ARHGEF10L: variants seen among roughly 807,000 people sequenced by gnomAD.
ARHGEF10L encodes Rho guanine nucleotide exchange factor 10 like, also known as rho guanine nucleotide exchange factor 10-like protein.
Under a neutral mutation model 141.2 loss-of-function variants are expected in ARHGEF10L, and 69 were observed. The observed-to-expected ratio is 0.49, with a 90% confidence interval of 0.40 to 0.60. The LOEUF is 0.60. ARHGEF10L is among the 20% of genes least tolerant of loss of function. The pLI, the probability that ARHGEF10L is intolerant of heterozygous loss-of-function variation, is 0.00. For missense variants in ARHGEF10L, 1,482 were observed against 1,734.3 expected (o/e 0.85, Z 2.58); for synonymous variants, 711 against 718.5 (o/e 0.99, Z 0.17).
chr1:17,611,294 T>C (rs2059536405), intron 7 of ARHGEF10L, among the ~76,000 whole-genome samples: 1 of 152,094 alleles, frequency 6.6e-6, no homozygotes, highest in African/African-American at 2.4e-5. Context: ...TTTTTGGGAG[T>C]CTGGGTAGCT....
chr1:17,546,809 A>G (rs139135926), intron 1 of ARHGEF10L, among the ~76,000 whole-genome samples: 1 of 152,304 alleles, frequency 6.6e-6, no homozygotes, highest in Non-Finnish European at 1.5e-5. Flanking sequence ...CGGGCTCCCT[A>G]GGCCTGGTGT....
At chr1:17,632,545 C>T in intron 16 of ARHGEF10L, 79 bp downstream of exon 16, 1 of 1,579,948 alleles carries the variant, frequency 6.3e-7, no homozygotes, top group Non-Finnish European at 8.7e-7. Flanking sequence ...TCTTGGCCGG[C>T]CGCACTACAG....
chr1:17,518,898 A>G, the ARHGEF10L span, among the ~76,000 whole-genome samples: 2 of 151,662 alleles, frequency 1.3e-5, no homozygotes, highest in East Asian at 3.9e-4. Context: ...TGCCAGGTGC[A>G]GTGGCTCACA....
intron 18 of ARHGEF10L, among the ~76,000 whole-genome samples, chr1:17,635,993 G>C (rs1263257592): frequency 6.6e-6 from 1 of 152,142 alleles, no homozygotes; most frequent in Non-Finnish European, 1.5e-5. Context: ...TCTGGGTGCT[G>C]GTCCGTGACA....
At chr1:17,580,737 G>T in intron 2 of ARHGEF10L, 105 bp downstream of exon 2, 1 of 1,392,760 alleles carries the variant, frequency 7.2e-7, no homozygotes, top group Non-Finnish European at 1.0e-6. Context: ...CGGGTGGGAA[G>T]TCTGCTCTGC....
In ARHGEF10L at chr1:17,623,211, G is replaced by T. The variant is rs1291419067; in HGVS notation, c.1200+36G>T. 2 of 1,601,896 alleles carry T rather than the reference G, an allele frequency of 1.2e-6. No individual in the cohort carries two copies. Among genetic ancestry groups the T allele is most frequent in the Non-Finnish European group, 1.7e-6 (2 of 1,173,688 alleles). ...CCAAACTTTTTCCCCAGCCCACCAAGGTAAAACCACAACCAGTCTGACCCC... is the reference window on the plus strand; with the variant it reads ...CCAAACTTTTTCCCCAGCCCACCAATGTAAAACCACAACCAGTCTGACCCC... On this transcript the variant is annotated intron_variant, in intron 12 of 28. Transcript: ENST00000361221. The surrounding 1 kb of genome is among the most constrained non-coding windows in gnomAD (Gnocchi z 4.7).
intron 1 of ARHGEF10L, among the ~76,000 whole-genome samples, chr1:17,566,550 C>T (rs1458620729): frequency 6.6e-6 from 1 of 152,210 alleles, no homozygotes; most frequent in African/African-American, 2.4e-5. Context: ...AGGCTGTGCA[C>T]CTTGCCCAGG....
rs1246173081 is a variant in ARHGEF10L, at chr1:17,656,098, G to A, written c.2701G>A (p.Gly901Ser). The change falls in exon 24 of 29, where the codon GGC becomes AGC. Residue 901 changes from glycine (G) to serine (S), a missense_variant. By Grantham distance (56) the Gly-to-Ser change is moderately conservative. Coordinates refer to ENST00000361221, the MANE Select transcript of ARHGEF10L (RefSeq NM_018125.4). This position sits in a 1 kb window ranked among gnomAD's most constrained non-coding sequence, Gnocchi z 4.9. Reference protein sequence around the residue: ...HPTICLGLQDGSILLYSSVDT... With the variant: ...HPTICLGLQDSSILLYSSVDT... ...AACCATCTGCCTCGGGCTCCAGGAT[G>A]GCAGGTGAGGGGCCCGGAAGGAGGG... The A allele has an allele frequency of 5.2e-6, 8 of 1,551,116 alleles. No homozygotes were observed. The highest frequency in any genetic ancestry group is 2.1e-4 in the Middle Eastern group (1 of 4,734).
intron 26 of ARHGEF10L, among the ~76,000 whole-genome samples, chr1:17,684,129 G>A (rs1430203629): frequency 6.6e-6 from 1 of 152,180 alleles, no homozygotes; most frequent in Non-Finnish European, 1.5e-5. Context: ...ACTGCTCGCC[G>A]ACAGCAGGTG....
chr1:17,662,512 G>A (rs1312642658), intron 25 of ARHGEF10L, among the ~76,000 whole-genome samples: 2 of 152,276 alleles, frequency 1.3e-5, no homozygotes, highest in Non-Finnish European at 1.5e-5. Context: ...CGGGCAGAGC[G>A]CTCTGTGTGC....
At chr1:17,602,369 C>T (rs2080769979) in intron 5 of ARHGEF10L, 151 bp downstream of exon 5, 2 of 806,450 alleles carry the variant, frequency 2.5e-6, no homozygotes, top group Non-Finnish European at 3.9e-6. Flanking sequence ...CCAACCACCG[C>T]CCCCAAGAGC....
intron 26 of ARHGEF10L, among the ~76,000 whole-genome samples, chr1:17,686,107 T>TTTC (rs1558033615): frequency 1.0e-5 from 1 of 100,302 alleles, no homozygotes; most frequent in South Asian, 2.6e-4. Flanking sequence ...TCTTTCTTTC[T>TTTC]TTTTTTTTTG....
At chr1:17,690,690 A>G (rs527721992) in intron 27 of ARHGEF10L, among the ~76,000 whole-genome samples, 7 of 152,104 alleles carry the variant, frequency 4.6e-5, no homozygotes, top group South Asian at 4.1e-4. Flanking sequence ...AACTTTCCCA[A>G]TCAGTAACCC....
intron 4 of ARHGEF10L, among the ~76,000 whole-genome samples, chr1:17,591,240 T>G (rs1206485566): frequency 6.6e-6 from 1 of 152,104 alleles, no homozygotes; most frequent in East Asian, 1.9e-4. Flanking sequence ...CTGTGTACAT[T>G]ATCTCTTTTT....
At chr1:17,678,890 T>C (rs1050188572) in intron 26 of ARHGEF10L, among the ~76,000 whole-genome samples, 1 of 152,248 alleles carries the variant, frequency 6.6e-6, no homozygotes, top group Non-Finnish European at 1.5e-5. Context: ...ACTGTAGGAA[T>C]TGTTAACTTT....
intron 1 of ARHGEF10L, among the ~76,000 whole-genome samples, chr1:17,555,752 A>C (rs2077281224): frequency 6.6e-6 from 1 of 152,148 alleles, no homozygotes; most frequent in Non-Finnish European, 1.5e-5. Context: ...TGGGGTCAGG[A>C]GCACCATAAC....
Position 17,610,815 on chromosome 1 carries a change from C to T in ARHGEF10L, c.610-2243C>T, listed in dbSNP as rs76948035. Among the ~76,000 whole-genome samples, 1,252 of 152,310 alleles carry T rather than the reference C, an allele frequency of 8.2e-3. 22 individuals are homozygous for T. Among genetic ancestry groups the T allele is most frequent in the African/African-American group, 0.023 (957 of 41,560 alleles). ...CCCCTTCTTCAGAGATCCGAAGAGGCCGTCCCTAGGCAGGTGGACTCTTGC... is the reference window on the plus strand; with the variant it reads ...CCCCTTCTTCAGAGATCCGAAGAGGTCGTCCCTAGGCAGGTGGACTCTTGC... On this transcript the variant is annotated intron_variant, in intron 7 of 28. Transcript: ENST00000361221.
the ARHGEF10L span, among the ~76,000 whole-genome samples, chr1:17,513,669 C>T: frequency 2.0e-5 from 3 of 152,082 alleles, no homozygotes; most frequent in Admixed American, 6.6e-5. Flanking sequence ...GGATGATTCT[C>T]GCATGGGTCA....
chr1:17,561,347 G>A (rs186139756), intron 1 of ARHGEF10L, among the ~76,000 whole-genome samples: 141 of 152,284 alleles, frequency 9.3e-4, no homozygotes, highest in African/African-American at 3.2e-3. Flanking sequence ...GGGCAGAAGC[G>A]GGCGTCAGCT....
Sources: gnomAD v4.1 joint callset for allele counts (sites outside exome capture counted in the v4.1 genomes callset) on GRCh38, gnomAD v4.1.1 for gene constraint, Gnocchi (gnomAD v3.1) non-coding constraint, MANE v1.5 for transcripts, NCBI Gene and HGNC (gene_info 2026-07-23, HGNC 2026-07-21) for gene names.